SYNE2: variants seen among roughly 807,000 people sequenced by gnomAD.
SYNE2 encodes the protein spectrin repeat containing nuclear envelope protein 2, also known as nesprin-2.
SYNE2 carries 431 observed loss-of-function variants against 856.3 expected under a neutral mutation model. The ratio of observed to expected loss-of-function variants is 0.50; its 90% CI spans 0.47 to 0.55. SYNE2 has a LOEUF of 0.55. Ranked by LOEUF, SYNE2 falls within the 20% of genes least tolerant of loss-of-function variation. The probability of loss-of-function intolerance (pLI) is 0.00; values close to 1 mark genes in which losing one functional copy is unlikely to be tolerated. For missense variants in SYNE2, 8,129 were observed against 8,023.2 expected, an observed-to-expected ratio of 1.01 and a Z score of -0.50; for synonymous variants, 2,923 against 2,872.3, an observed-to-expected ratio of 1.02 and a Z score of -0.56.
rs550784659 is a variant in SYNE2, at chr14:64,220,574, A to G, written c.19998A>G (p.Glu6666=). ...SRLRQLSLLW[E]AAQGAVDSWR... ...TCCGCCAGCTGAGCCTGCTCTGGGA[A>G]GCAGCACAGGGCGCAGTGGACAGCT... Residue 6666 remains glutamate, a synonymous_variant, in exon 111 of 116, where the codon GAA becomes GAG. Transcript: ENST00000555002. 8 of 1,614,176 alleles carry G rather than the reference A, an allele frequency of 5.0e-6. No individual in the cohort carries two copies. The highest frequency in any genetic ancestry group is 6.8e-6 in the Non-Finnish European group (8 of 1,180,016).
intron 29 of SYNE2, among the ~76,000 whole-genome samples, chr14:64,002,437 C>T (rs1415798168): frequency 6.6e-6 from 1 of 152,124 alleles, no homozygotes; most frequent in Non-Finnish European, 1.5e-5. Flanking sequence ...AATATTTGTT[C>T]ATTTTTCAGA....
chr14:64,060,175 A>T (rs1401359508), intron 49 of SYNE2, among the ~76,000 whole-genome samples: 1 of 152,078 alleles, frequency 6.6e-6, no homozygotes, highest in Non-Finnish European at 1.5e-5. Context: ...AGCTCAAGAC[A>T]GTCTCCTTTA....
At position 64,081,523 on chromosome 14, in the gene SYNE2, C is replaced by A; in HGVS notation, c.11427C>A (p.Ala3809=). The change falls in exon 57 of 116, where the codon GCC becomes GCA. Residue 3809 remains alanine (A), a synonymous_variant. Transcript: ENST00000555002. ...TAGAAAATACCAGTCATTTGCTGGC[C>A]AATCCTGCTGACTATGACTCTTTGA... ...AWIENTSHLL[A]NPADYDSLRT... is the part of the protein sequence containing the mutation. 6.2e-7 allele frequency: 1 copy of A among 1,614,116 alleles called. No homozygotes were observed. Among genetic ancestry groups the A allele is most frequent in the South Asian group, 1.1e-5 (1 of 91,082 alleles).
In SYNE2 at chr14:63,827,580, G is replaced by A. The variant is rs538706469; in HGVS notation, c.-304-24921G>A. Among the ~76,000 whole-genome samples, 19 of 118,986 alleles carry A rather than the reference G, an allele frequency of 1.6e-4. No homozygotes were observed. In the South Asian group the frequency reaches 4.1e-3, roughly 26 times the overall value. The allele number at this position is 118,986 out of a possible 152,430, so 78.1% of individuals were successfully genotyped here. On this transcript the variant is annotated intron_variant, in intron 1 of 23. Transcript: ENST00000674003. ...GCGGAAGTTGTGGTGAGTCGAGATC[G>A]TGTCATTGCACTCCAGCCTGGGCAA...
intron 1 of SYNE2, among the ~76,000 whole-genome samples, chr14:63,765,272 G>C (rs1368741920): frequency 6.6e-6 from 1 of 152,214 alleles, no homozygotes; most frequent in African/African-American, 2.4e-5. Context: ...CAAGTAGCTA[G>C]AGAAGAGGCA....
chr14:64,150,738 A>G (rs995552206), intron 84 of SYNE2, among the ~76,000 whole-genome samples: 1 of 152,212 alleles, frequency 6.6e-6, no homozygotes, highest in African/African-American at 2.4e-5. Flanking sequence ...ATTTAATATT[A>G]AAGTGTTTTC....
chr14:64,102,803 CCT>C (rs1473162225), intron 64 of SYNE2, among the ~76,000 whole-genome samples: 3 of 152,054 alleles, frequency 2.0e-5, no homozygotes, highest in Non-Finnish European at 2.9e-5. Context: ...CTCCCCAGGC[CCT>C]CTCTCAGCCC....
intron 8 of SYNE2, chr14:63,960,607 T>G: frequency 1.7e-6 from 1 of 583,930 alleles, no homozygotes; most frequent in Non-Finnish European, 3.1e-6. Context: ...AACAGTGAAG[T>G]GTTTTTTTTT....
chr14:63,944,998 G>A (rs2096001944), intron 6 of SYNE2, among the ~76,000 whole-genome samples: 1 of 150,578 alleles, frequency 6.6e-6, no homozygotes, highest in South Asian at 2.1e-4. Flanking sequence ...AGTAGAGACT[G>A]AGTTTCACCA....
rs1440426783 is a variant in SYNE2, at chr14:64,162,249, C to T, written c.16272C>T (p.Ile5424=). 2 of 1,614,070 alleles carry T rather than the reference C, an allele frequency of 1.2e-6. No individual in the cohort carries two copies. The highest frequency in any genetic ancestry group is 2.2e-5 in the East Asian group (1 of 44,898). The part of the protein sequence containing the change: ...ISMSGNNLAE[I]LPPALQDIKE... ...TGTCTGGAAACAACCTGGCAGAGAT[C>T]CTGCCCCCAGCCCTGCAGGACATAA... is the stretch of plus-strand genomic sequence containing the variant. Residue 5424 remains isoleucine (I), a synonymous_variant, in exon 88 of 116, where the codon ATC becomes ATT. Transcript: ENST00000555002.
intron 98 of SYNE2, among the ~76,000 whole-genome samples, 160 bp from the exon 99 acceptor site, chr14:64,189,911 C>T (rs1386467145): frequency 6.6e-6 from 1 of 151,894 alleles, no homozygotes; most frequent in Non-Finnish European, 1.5e-5. Flanking sequence ...GATCCTCTTG[C>T]CTCGGCTTCC....
At chr14:64,042,692 C>T (rs1595089226) in intron 45 of SYNE2, among the ~76,000 whole-genome samples, 1 of 152,182 alleles carries the variant, frequency 6.6e-6, no homozygotes, top group Non-Finnish European at 1.5e-5. Flanking sequence ...GTGATTTATT[C>T]CTCCTTGCCT....
At chr14:64,166,215 A>G (rs1287401750) in intron 90 of SYNE2, among the ~76,000 whole-genome samples, 2 of 152,198 alleles carry the variant, frequency 1.3e-5, no homozygotes, top group East Asian at 3.8e-4. Flanking sequence ...TTGATGGAAC[A>G]CAGCCATGCC....
chr14:63,975,207 G>C (rs2096532553), intron 11 of SYNE2, among the ~76,000 whole-genome samples: 1 of 151,886 alleles, frequency 6.6e-6, no homozygotes, highest in South Asian at 2.1e-4. Flanking sequence ...GCTTAATTGT[G>C]TGTTGATTTC....
At chr14:64,136,861 T>A (rs143229418) in intron 78 of SYNE2, among the ~76,000 whole-genome samples, 1 of 152,098 alleles carries the variant, frequency 6.6e-6, no homozygotes. Flanking sequence ...GGGGGCAGAA[T>A]AGAAATAAGG....
At chr14:64,033,572 G>C (rs886796319) in intron 45 of SYNE2, among the ~76,000 whole-genome samples, 4 of 151,958 alleles carry the variant, frequency 2.6e-5, no homozygotes, top group Non-Finnish European at 2.9e-5. Context: ...TATAGTCCCA[G>C]CTACTTGGGA....
At chr14:63,835,906 C>T (rs1490919698) in intron 1 of SYNE2, among the ~76,000 whole-genome samples, 2 of 149,500 alleles carry the variant, frequency 1.3e-5, no homozygotes, top group African/African-American at 4.9e-5. Flanking sequence ...TCACTTAAAC[C>T]TGGGAGGCAG....
intron 64 of SYNE2, among the ~76,000 whole-genome samples, chr14:64,104,362 T>G (rs2097757386): frequency 6.6e-6 from 1 of 151,806 alleles, no homozygotes; most frequent in Non-Finnish European, 1.5e-5. Flanking sequence ...CTCCTCCATC[T>G]CCTTTTCTTG....
chr14:63,789,226 CAACTGAA>C (rs1367890749), intron 1 of SYNE2, among the ~76,000 whole-genome samples: 1 of 152,140 alleles, frequency 6.6e-6, no homozygotes, highest in Non-Finnish European at 1.5e-5. Context: ...TGATCTGCTC[CAACTGAA>C]CAGGTTTGCT....
Sources: gnomAD v4.1 joint callset for allele counts (sites outside exome capture counted in the v4.1 genomes callset) on GRCh38, gnomAD v4.1.1 for gene constraint, MANE v1.5 for transcripts, NCBI Gene and HGNC (gene_info 2026-07-23, HGNC 2026-07-21) for gene names.